The following PPP4R2 variants were observed in gnomAD, a reference collection of about 807,000 sequenced individuals.
PPP4R2 encodes the protein protein phosphatase 4 regulatory subunit 2, also known as serine/threonine-protein phosphatase 4 regulatory subunit 2.
A neutral mutation model predicts 47.2 loss-of-function variants in PPP4R2; 13 were observed. The observed-to-expected ratio is 0.28, with a 90% CI of 0.18 to 0.44. PPP4R2 has a LOEUF of 0.44. PPP4R2 is among the 20% of genes least tolerant of loss of function. PPP4R2 has a pLI of 1.00. For synonymous variants in PPP4R2, 151 were observed against 163.3 expected, an observed-to-expected ratio of 0.92 and a Z score of 0.57; for missense variants, 421 against 491.2, an observed-to-expected ratio of 0.86 and a Z score of 1.35.
At position 73,004,923 on chromosome 3, in the gene PPP4R2, T is replaced by TG. The variant is rs1701568523; in HGVS notation, c.116+6765_116+6766insG. Among the ~76,000 whole-genome samples the TG allele has an allele frequency of 6.3e-4, 88 of 140,060 alleles. 2 individuals carry two copies. The highest frequency in any genetic ancestry group is 1.8e-3 in the African/African-American group (67 of 37,402). 91.9% of individuals were successfully genotyped at this position (140,060 alleles called of 152,430 possible). ...TTGAGTCGGAGTCATGTGTGTGTGT[T>TG]TGTGTGTTTTGAGTCGGAGTCGTGT... On this transcript the variant is annotated intron_variant, in intron 2 of 8. Transcript: ENST00000356692.
intron 2 of PPP4R2, among the ~76,000 whole-genome samples, chr3:73,003,433 G>A (rs1223266987): frequency 6.6e-6 from 1 of 151,946 alleles, no homozygotes; most frequent in African/African-American, 2.4e-5. Flanking sequence ...GGCTGTTCTC[G>A]AACTCCTGGC....
chr3:73,020,815 A>G (rs1047570888), intron 2 of PPP4R2, among the ~76,000 whole-genome samples: 1 of 151,930 alleles, frequency 6.6e-6, no homozygotes, highest in African/African-American at 2.4e-5. Flanking sequence ...GGTGTGATCT[A>G]CCGTGCCTGG....
chr3:73,064,274 G>A (rs1450951901), intron 7 of PPP4R2, 128 bp downstream of exon 7: 4 of 752,172 alleles, frequency 5.3e-6, no homozygotes, highest in Non-Finnish European at 8.4e-6. Context: ...GTTTATAGGA[G>A]CACTGGCTTC....
In PPP4R2 at chr3:73,064,855, C is replaced by G. The variant is rs569549060; in HGVS notation, c.642C>G (p.Asp214Glu). The G allele has an allele frequency of 6.2e-6, 10 of 1,600,432 alleles. No individual in the cohort carries two copies. Among genetic ancestry groups the G allele is most frequent in the Admixed American group, 3.5e-5 (2 of 56,854 alleles). ...CACTTTAAAAAAACATTTACAGTGA[C>G]TCTTCGACCTCTGAATCAGAAGTTT... ...LQQNEEKNHS[D>E]SSTSESEVSS... Residue 214 changes from aspartate (D) to glutamate (E), a missense_variant, in exon 8 of 9, where the codon GAC (aspartate) becomes GAG (glutamate). Coordinates refer to ENST00000356692, the MANE Select transcript of PPP4R2 (RefSeq NM_174907.4).
intron 2 of PPP4R2, among the ~76,000 whole-genome samples, chr3:73,003,801 C>T (rs1199358527): frequency 2.6e-5 from 4 of 151,620 alleles, no homozygotes; most frequent in Admixed American, 6.6e-5. Context: ...TGGGTTCAAG[C>T]GATTTTTCTG....
intron 2 of PPP4R2, chr3:73,014,834 T>TTGC: frequency 2.4e-6 from 1 of 423,182 alleles, no homozygotes; most frequent in Non-Finnish European, 4.2e-6. Flanking sequence ...AAATCTAGCA[T>TTGC]TGCTTTATCA....
rs77970355 is a variant in PPP4R2 at position 73,003,078 on chromosome 3, C to T, written c.116+4920C>T. On this transcript the variant is annotated intron_variant, in intron 2 of 8. Coordinates refer to ENST00000356692, the MANE Select transcript of PPP4R2 (RefSeq NM_174907.4). Reference sequence around the variant, plus strand: ...CATCAGAAAGTCTAAAATAATAATGCGAATATTACTGCCACCAATATAATT... The same window carrying T: ...CATCAGAAAGTCTAAAATAATAATGTGAATATTACTGCCACCAATATAATT... Among the ~76,000 whole-genome samples the T allele has an allele frequency of 6.6e-3, 997 of 151,914 alleles. 8 individuals carry two copies. The highest frequency in any genetic ancestry group is 0.022 in the African/African-American group (918 of 41,376).
At chr3:73,005,675 C>G (rs1459224566) in intron 2 of PPP4R2, among the ~76,000 whole-genome samples, 1 of 151,770 alleles carries the variant, frequency 6.6e-6, no homozygotes, top group Admixed American at 6.6e-5. Flanking sequence ...ATGGAGAAAC[C>G]CCATCTCTAC....
chr3:73,016,780 A>G (rs1701844755), intron 2 of PPP4R2, among the ~76,000 whole-genome samples: 2 of 74,526 alleles, frequency 2.7e-5, no homozygotes, highest in African/African-American at 1.2e-4. Context: ...TCTGTCACCC[A>G]TTCTGTTAAC....
rs1251504958 is a variant in PPP4R2, at chr3:73,059,367, T to C, written c.381+237T>C. ...GAAGTTTGGTGAAAGCAGCTTATTA[T>C]TTCTTGGAAATTCATAGTGTATATC... is the stretch of plus-strand genomic sequence containing the variant. On this transcript the variant is annotated intron_variant, in intron 4 of 8. Transcript: ENST00000356692. 5.3e-5 allele frequency among the ~76,000 whole-genome samples: 8 copies of C among 152,312 alleles called. No individual in the cohort carries two copies. The East Asian group carries it at 1.5e-3, about 29-fold the overall frequency.
intron 2 of PPP4R2, among the ~76,000 whole-genome samples, chr3:73,000,109 G>A (rs1453733150): frequency 1.3e-5 from 2 of 152,192 alleles, no homozygotes; most frequent in Non-Finnish European, 2.9e-5. Flanking sequence ...ATTTCCACCG[G>A]ATGTGGTGGC....
chr3:73,051,827 C>G lies in PPP4R2; in HGVS notation c.287+4471C>G, dbSNP rs994087742. On this transcript the variant is annotated intron_variant, in intron 3 of 8. Coordinates refer to ENST00000356692, the MANE Select transcript of PPP4R2 (RefSeq NM_174907.4). ...TTTTTAGTAGAGATGGGGTTTCACC[C>G]TGTTAGCCAGGATGGTCTCGATCTC... Among the ~76,000 whole-genome samples the G allele has an allele frequency of 2.0e-5, 3 of 152,136 alleles. No homozygotes were observed. The South Asian group carries it at 6.2e-4, about 32-fold the overall frequency.
In PPP4R2 at chr3:73,064,059, T is replaced by G. The variant is rs1310952986; in HGVS notation, c.551T>G (p.Leu184Trp). The G allele has an allele frequency of 6.2e-7, 1 of 1,613,444 alleles. No homozygotes were observed. Residue 184 changes from leucine (L) to tryptophan (W), a missense_variant, in exon 7 of 9, where the codon TTG (leucine) becomes TGG (tryptophan). Leu to Trp is a moderately conservative substitution (Grantham distance 61). Coordinates refer to ENST00000356692, the MANE Select transcript of PPP4R2 (RefSeq NM_174907.4). The part of the protein sequence containing the change: ...PRPLNRPKVS[L>W]SAPMTTNGLP... ...CCACTTAATCGACCAAAGGTTTCTT[T>G]GTCAGCCCCCATGACAACAAATGGG... is the stretch of plus-strand genomic sequence containing the variant.
chr3:73,050,853 C>A (rs1702596861), intron 3 of PPP4R2, among the ~76,000 whole-genome samples: 7 of 152,136 alleles, frequency 4.6e-5, no homozygotes, highest in Admixed American at 4.6e-4. Context: ...TAGTGAGCAT[C>A]CTTCCACGTA....
chr3:73,052,990 C>T (rs9875383), intron 3 of PPP4R2, among the ~76,000 whole-genome samples: 57,951 of 152,104 alleles, frequency 0.38, 11,402 homozygotes, highest in African/African-American at 0.42. Context: ...ATTTGATTTT[C>T]AGTTTGTGTG....
intron 5 of PPP4R2, chr3:73,062,408 T>TAG: frequency 6.2e-7 from 1 of 1,607,216 alleles, no homozygotes; most frequent in Non-Finnish European, 8.5e-7. Context: ...CAGCCAAGTC[T>TAG]ATGCTAGACC....
Position 73,065,793 on chromosome 3 carries a change from T to A in PPP4R2, c.*71T>A. ...TTTAACACTGTATAAAACTTTTGTG[T>A]AATAAAATGGACCTTTAGTTTTACA... On this transcript the variant is annotated 3_prime_UTR_variant, in exon 9 of 9. Transcript: ENST00000356692. 9.8e-7 allele frequency: 1 copy of A among 1,020,524 alleles called. No homozygotes were observed. Among genetic ancestry groups the A allele is most frequent in the Non-Finnish European group, 1.4e-6 (1 of 710,168 alleles). 63.2% of individuals were successfully genotyped at this position (1,020,524 alleles called of 1,614,324 possible). A position where few individuals can be genotyped will look rare whatever the true frequency, so the allele number is the denominator to read the frequency against.
intron 2 of PPP4R2, among the ~76,000 whole-genome samples, chr3:73,025,365 A>G (rs1357073065): frequency 6.6e-6 from 1 of 152,090 alleles, no homozygotes; most frequent in Non-Finnish European, 1.5e-5. Context: ...CCCTTGTTCT[A>G]TTATTGTGAG....
chr3:73,043,103 G>C (rs367838026), intron 2 of PPP4R2, among the ~76,000 whole-genome samples: 1 of 34,706 alleles, frequency 2.9e-5, no homozygotes, highest in Admixed American at 2.0e-4. Flanking sequence ...GCTATGAATT[G>C]GTGATTATTA....
Sources: gnomAD v4.1 joint callset for allele counts (sites outside exome capture counted in the v4.1 genomes callset) on GRCh38, gnomAD v4.1.1 for gene constraint, MANE v1.5 for transcripts, NCBI Gene and HGNC (gene_info 2026-07-23, HGNC 2026-07-21) for gene names.